The following ZNF148 variants were observed in gnomAD, a reference collection of about 807,000 sequenced individuals.
ZNF148 encodes the protein Beta-Enolase Repressor Factor-1.
Under a neutral mutation model 67.7 loss-of-function variants are expected in ZNF148, and 7 were observed. The ratio of observed to expected loss-of-function variants is 0.10; its 90% CI spans 0.06 to 0.19. The LOEUF (loss-of-function observed/expected upper bound fraction) is 0.19. Ranked by LOEUF, ZNF148 falls within the 10% of genes least tolerant of loss-of-function variation. ZNF148 has a pLI of 1.00. For synonymous variants in ZNF148, 333 were observed against 330.7 expected (o/e 1.01, Z -0.08); for missense variants, 583 against 947.1 (o/e 0.62, Z 5.05).
chr3:125,232,270 TAC>T lies in ZNF148; in HGVS notation c.*69_*70del, dbSNP rs1011791051. 6 of 1,490,680 alleles carry T rather than the reference TAC, an allele frequency of 4.0e-6. No individual in the cohort carries two copies. Among genetic ancestry groups the T allele is most frequent in the East Asian group, 4.6e-5 (2 of 43,202 alleles). The allele number at this position is 1,490,680 out of a possible 1,614,324, so 92.3% of individuals were successfully genotyped here. A position where few individuals can be genotyped will look rare whatever the true frequency, so the allele number is the denominator to read the frequency against. ...TCTTAAATCTGTACAGCACTCCATT[TAC>T]ACAGAGTAACCCCACTCTTGATTAA... is the stretch of plus-strand genomic sequence containing the variant. On this transcript the variant is annotated 3_prime_UTR_variant, in exon 9 of 9. Transcript: ENST00000360647. This position sits in a 1 kb window ranked among gnomAD's most constrained non-coding sequence, Gnocchi z 4.2.
At chr3:125,241,463 A>G (rs1382667438) in intron 7 of ZNF148, among the ~76,000 whole-genome samples, 1 of 152,112 alleles carries the variant, frequency 6.6e-6, no homozygotes, top group South Asian at 2.1e-4. Flanking sequence ...ATAAGTAAAA[A>G]TGAATACATA....
At chr3:125,275,444 G>T (rs577308607) in intron 7 of ZNF148, among the ~76,000 whole-genome samples, 21 of 152,244 alleles carry the variant, frequency 1.4e-4, no homozygotes, top group Non-Finnish European at 2.5e-4. Context: ...GTCCCATTCT[G>T]CATAGCCAGT....
chr3:125,320,893 A>G (rs1056812174), intron 3 of ZNF148, among the ~76,000 whole-genome samples: 7 of 152,210 alleles, frequency 4.6e-5, no homozygotes, highest in Non-Finnish European at 1.5e-5. Context: ...ACCGTGAGAA[A>G]TTATACCTTA....
chr3:125,361,955 T>C (rs1188839958), intron 1 of ZNF148, among the ~76,000 whole-genome samples: 5 of 151,916 alleles, frequency 3.3e-5, no homozygotes, highest in Non-Finnish European at 7.4e-5. Flanking sequence ...CTTGGCTTTA[T>C]TGTCTCCCTA....
chr3:125,304,910 G>A (rs1280504111), intron 4 of ZNF148, among the ~76,000 whole-genome samples: 1 of 152,118 alleles, frequency 6.6e-6, no homozygotes, highest in African/African-American at 2.4e-5. Flanking sequence ...GACAAGATAA[G>A]CCTAGAACAT....
At chr3:125,332,103 T>G (rs527596545) in intron 1 of ZNF148, among the ~76,000 whole-genome samples, 12 of 152,228 alleles carry the variant, frequency 7.9e-5, no homozygotes, top group African/African-American at 2.9e-4. Context: ...CTCTAGAAAA[T>G]AACCAAGTAC....
chr3:125,269,907 G>A (rs965029004), intron 7 of ZNF148, among the ~76,000 whole-genome samples: 1 of 151,888 alleles, frequency 6.6e-6, no homozygotes, highest in African/African-American at 2.4e-5. Flanking sequence ...TAAATCTTGG[G>A]TACACACAGA....
intron 1 of ZNF148, among the ~76,000 whole-genome samples, chr3:125,352,892 T>C (rs570076516): frequency 3.3e-5 from 5 of 152,266 alleles, no homozygotes; most frequent in African/African-American, 4.8e-5. Flanking sequence ...CAAGACAGCG[T>C]GGTACTGGAG....
At chr3:125,301,988 C>T (rs1022400236) in intron 4 of ZNF148, among the ~76,000 whole-genome samples, 1 of 152,134 alleles carries the variant, frequency 6.6e-6, no homozygotes, top group South Asian at 2.1e-4. Context: ...ATGCTTGAAC[C>T]CAGGAGGTGG....
intron 1 of ZNF148, among the ~76,000 whole-genome samples, chr3:125,373,428 C>CGG (rs1942956077): frequency 6.6e-6 from 1 of 151,898 alleles, no homozygotes; most frequent in African/African-American, 2.4e-5. Context: ...GAATAATATC[C>CGG]GGGTAGTTTT....
chr3:125,282,729 A>G (rs912216986), intron 5 of ZNF148, among the ~76,000 whole-genome samples: 5 of 152,108 alleles, frequency 3.3e-5, no homozygotes, highest in African/African-American at 9.7e-5. Flanking sequence ...AAATATACAC[A>G]TATGGTAAAG....
At chr3:125,309,771 G>A (rs1463422810) in intron 4 of ZNF148, among the ~76,000 whole-genome samples, 1 of 152,328 alleles carries the variant, frequency 6.6e-6, no homozygotes, top group African/African-American at 2.4e-5. Context: ...ATACACTGGA[G>A]AAGGCGCAGG....
intron 1 of ZNF148, among the ~76,000 whole-genome samples, chr3:125,369,789 A>T (rs557010474): frequency 1.3e-5 from 2 of 152,184 alleles, no homozygotes; most frequent in African/African-American, 2.4e-5. Context: ...CAGCCTGGCC[A>T]GAATGGTGAA....
At chr3:125,273,499 C>CTTTTTT (rs397690643) in intron 7 of ZNF148, among the ~76,000 whole-genome samples, 4 of 142,418 alleles carry the variant, frequency 2.8e-5, no homozygotes, top group South Asian at 2.2e-4. Flanking sequence ...GGAAGAGAAT[C>CTTTTTT]TTTTTTTTTT....
chr3:125,334,153 C>T (rs569756640), intron 1 of ZNF148, among the ~76,000 whole-genome samples: 1 of 152,084 alleles, frequency 6.6e-6, no homozygotes, highest in South Asian at 2.1e-4. Context: ...CATTAGCTAC[C>T]ACCCTTCCGC....
intron 4 of ZNF148, among the ~76,000 whole-genome samples, chr3:125,296,035 CA>C (rs34880801): frequency 0.77 from 115,927 of 150,164 alleles, 45,107 homozygotes; most frequent in African/African-American, 0.85. Flanking sequence ...CTCAATATGC[CA>C]AAAAAAAAAA....
rs906206906 is a variant in ZNF148, at chr3:125,288,042, T to C, written c.459+61A>G. 98 of 1,609,342 alleles carry C rather than the reference T, an allele frequency of 6.1e-5. 1 individual carries two copies. The Middle Eastern group carries it at 6.6e-4, about 11-fold the overall frequency. On this transcript the variant is annotated intron_variant, in intron 5 of 8. Transcript: ENST00000360647. ...TAGGGTCCAGCCAGGTTCTTGCCTA[T>C]AGAATTAACCAACAGTTGGAATTAA... is the stretch of plus-strand genomic sequence containing the variant.
At chr3:125,363,571 ATTCT>A (rs1942608460) in intron 1 of ZNF148, among the ~76,000 whole-genome samples, 1 of 151,514 alleles carries the variant, frequency 6.6e-6, no homozygotes, top group Non-Finnish European at 1.5e-5. Context: ...AAACCTTCCC[ATTCT>A]TTCTTTGAGG....
At chr3:125,277,239 T>C (rs1938123980) in intron 7 of ZNF148, among the ~76,000 whole-genome samples, 1 of 152,204 alleles carries the variant, frequency 6.6e-6, no homozygotes, top group Non-Finnish European at 1.5e-5. Flanking sequence ...TCCTTTATAG[T>C]AATCCTCTAG....
Sources: allele counts gnomAD v4.1 joint callset (sites outside exome capture counted in the v4.1 genomes callset), GRCh38; gene constraint gnomAD v4.1.1; non-coding constraint Gnocchi (gnomAD v3.1); transcripts MANE v1.5; gene names NCBI Gene and HGNC (gene_info 2026-07-23, HGNC 2026-07-21).